The following FBXL2 variants were observed in gnomAD, a reference collection of about 807,000 sequenced individuals.
The protein encoded by FBXL2 is F-box and leucine rich repeat protein 2, also known as F-box/LRR-repeat protein 2.
FBXL2 carries 38 observed loss-of-function variants against 69.2 expected under a neutral mutation model. That is an observed-to-expected ratio of 0.55 (90% CI 0.42 to 0.72). The LOEUF (loss-of-function observed/expected upper bound fraction) is 0.72, where lower values mean the gene tolerates loss of function less well. Among genes scored for constraint, FBXL2 ranks in the 30% least tolerant of loss-of-function variants. The pLI, the probability that FBXL2 is intolerant of heterozygous loss-of-function variation, is 0.00. For synonymous variants in FBXL2, 192 were observed against 201.3 expected (o/e 0.95, Z 0.39); for missense variants, 354 against 520.3 (o/e 0.68, Z 3.11).
At chr3:33,348,362 A>C (rs912757859) in intron 2 of FBXL2, among the ~76,000 whole-genome samples, 1 of 151,778 alleles carries the variant, frequency 6.6e-6, no homozygotes, top group African/African-American at 2.4e-5. Flanking sequence ...CTATTGTTCC[A>C]TATGTGTCTG....
rs1270371593 is a variant in FBXL2 at position 33,281,882 on chromosome 3, T to C, written c.3+4367T>C. On this transcript the variant is annotated intron_variant, in intron 1 of 14. Transcript: ENST00000484457. ...CTGTTCATATCCGTTGCCCAGTTGT[T>C]GATGGGGTTGTTTGATGTTTTTCTT... Among the ~76,000 whole-genome samples, 19 of 152,216 alleles carry C rather than the reference T, an allele frequency of 1.2e-4. 1 individual carries two copies. Among genetic ancestry groups the C allele is most frequent in the Admixed American group, 1.2e-3 (19 of 15,284 alleles).
chr3:33,333,819 A>AT (rs1559557097), intron 2 of FBXL2, among the ~76,000 whole-genome samples: 1 of 152,196 alleles, frequency 6.6e-6, no homozygotes, highest in African/African-American at 2.4e-5. Context: ...AGTTCTTCAC[A>AT]TTCTCGCAGA....
At chr3:33,330,313 A>T (rs1448966415) in intron 2 of FBXL2, among the ~76,000 whole-genome samples, 3 of 151,786 alleles carry the variant, frequency 2.0e-5, no homozygotes, top group African/African-American at 4.8e-5. Context: ...TCTAATGAAG[A>T]TAGAGAGTAG....
At chr3:33,412,186 C>CAAAA in the FBXL2 span, among the ~76,000 whole-genome samples, 4 of 63,390 alleles carry the variant, frequency 6.3e-5, no homozygotes, top group Non-Finnish European at 9.6e-5. Context: ...AACTCCGTCT[C>CAAAA]AAAAAAAAAA....
intron 12 of FBXL2, chr3:33,396,993 C>T (rs921922798): frequency 1.2e-5 from 18 of 1,527,622 alleles, no homozygotes; most frequent in South Asian, 4.6e-5. Context: ...AAATTCCCCA[C>T]GCGAAGAAAG....
chr3:33,417,318 G>A, the FBXL2 span, among the ~76,000 whole-genome samples: 7 of 144,392 alleles, frequency 4.8e-5, no homozygotes, highest in East Asian at 2.1e-4. Context: ...AACTGCTAGC[G>A]ATCACCAATC....
chr3:33,371,583 T>C (rs2042310123), intron 5 of FBXL2, among the ~76,000 whole-genome samples: 2 of 152,244 alleles, frequency 1.3e-5, no homozygotes, highest in Admixed American at 1.3e-4. Context: ...ATTATAACTT[T>C]TAATACCTTT....
At position 33,386,415 on chromosome 3, in the gene FBXL2, A is replaced by C. The variant is rs73828184; in HGVS notation, c.*807A>C. ...ACTGGGGGGAACCTTAAAGAGAAAG[A>C]ACTAAGGCTTAAGTTATCTGTAGTA... is the stretch of plus-strand genomic sequence containing the variant. On this transcript the variant is annotated 3_prime_UTR_variant, in exon 15 of 15. Transcript: ENST00000484457. The C allele has an allele frequency of 6.6e-6, 1 of 152,196 alleles. No individual in the cohort carries two copies. Among genetic ancestry groups the C allele is most frequent in the Admixed American group, 6.5e-5 (1 of 15,278 alleles). The allele number at this position is 152,196 out of a possible 1,614,324, so 9.4% of individuals were successfully genotyped here. A position where few individuals can be genotyped will look rare whatever the true frequency, so the allele number is the denominator to read the frequency against.
At chr3:33,408,820 G>C in the FBXL2 span, 7 of 1,588,058 alleles carry the variant, frequency 4.4e-6, no homozygotes, top group Non-Finnish European at 6.0e-6. Flanking sequence ...CAAAGATTGG[G>C]ATCAATGTCT....
chr3:33,394,191 TTTATTATTATTATTA>T (rs148929407), intron 12 of FBXL2, among the ~76,000 whole-genome samples: 6 of 143,428 alleles, frequency 4.2e-5, no homozygotes, highest in Non-Finnish European at 6.1e-5. Context: ...CTGGCTAATT[TTTATTATTATTATTA>T]TTATTATTAT....
chr3:33,350,427 A>T (rs1291255413), intron 2 of FBXL2, among the ~76,000 whole-genome samples: 1 of 143,114 alleles, frequency 7.0e-6, no homozygotes, highest in East Asian at 2.1e-4. Context: ...TACAGCTAAC[A>T]TCATAATTTT....
intron 1 of FBXL2, among the ~76,000 whole-genome samples, chr3:33,282,876 G>T (rs2034188416): frequency 6.6e-6 from 1 of 152,180 alleles, no homozygotes; most frequent in South Asian, 2.1e-4. Flanking sequence ...AGGAATGCTT[G>T]TGATTTTTGC....
chr3:33,366,144 A>G (rs746750546), intron 5 of FBXL2, among the ~76,000 whole-genome samples: 15 of 152,340 alleles, frequency 9.8e-5, no homozygotes, highest in South Asian at 8.3e-4. Flanking sequence ...TCTTTTAAAC[A>G]TGTTTAAACA....
chr3:33,397,063 T>C (rs760103960), intron 12 of FBXL2: 2 of 1,599,730 alleles, frequency 1.3e-6, no homozygotes, highest in Non-Finnish European at 1.7e-6. Flanking sequence ...CAGTGAATTA[T>C]AGAGCCGAAT....
At chr3:33,279,760 G>A (rs1157055054) in intron 1 of FBXL2, among the ~76,000 whole-genome samples, 1 of 152,084 alleles carries the variant, frequency 6.6e-6, no homozygotes, top group East Asian at 1.9e-4. Flanking sequence ...TATGTACATA[G>A]TTATTACTAT....
upstream of FBXL2, chr3:33,277,184 T>TA (rs140090442): frequency 0.26 from 74,814 of 292,170 alleles, 9,700 homozygotes; most frequent in African/African-American, 0.5. Context: ...AACGTTTTTT[T>TA]TAAAAAAAAA....
At chr3:33,279,038 A>C (rs919717878) in intron 1 of FBXL2, among the ~76,000 whole-genome samples, 1 of 152,210 alleles carries the variant, frequency 6.6e-6, no homozygotes, top group Non-Finnish European at 1.5e-5. Context: ...CACTATTGTG[A>C]ATTTTAGAGT....
At chr3:33,417,345 G>T in the FBXL2 span, among the ~76,000 whole-genome samples, 81 of 140,564 alleles carry the variant, frequency 5.8e-4, no homozygotes, top group African/African-American at 1.8e-3. Context: ...CTGCCTCTAC[G>T]ATTTGCCCAC....
intron 2 of FBXL2, among the ~76,000 whole-genome samples, chr3:33,308,763 C>T (rs2036932500): frequency 1.3e-5 from 2 of 152,100 alleles, no homozygotes. Context: ...ACTGCTTTTG[C>T]TGCATCCTTA....
Sources: gnomAD v4.1 joint callset for allele counts (sites outside exome capture counted in the v4.1 genomes callset) on GRCh38, gnomAD v4.1.1 for gene constraint, MANE v1.5 for transcripts, NCBI Gene and HGNC (gene_info 2026-07-23, HGNC 2026-07-21) for gene names.